The following MALSU1 variants were observed in gnomAD, a reference collection of about 807,000 sequenced individuals.
MALSU1 encodes mitochondrial assembly of ribosomal large subunit protein 1.
A neutral mutation model predicts 22.1 loss-of-function variants in MALSU1; 22 were observed. The observed-to-expected ratio is 1.00, with a 90% CI of 0.71 to 1.42. The LOEUF (loss-of-function observed/expected upper bound fraction) is 1.42, where lower values mean the gene tolerates loss of function less well. MALSU1 is among the 40% of genes most tolerant of loss of function. The pLI, the probability that MALSU1 is intolerant of heterozygous loss-of-function variation, is 0.00. For synonymous variants in MALSU1, 153 were observed against 118.5 expected, an observed-to-expected ratio of 1.29 and a Z score of -1.89; for missense variants, 379 against 308.3, an observed-to-expected ratio of 1.23 and a Z score of -1.72.
At position 23,309,439 on chromosome 7, in the gene MALSU1, G is replaced by T. The variant is rs373009457; in HGVS notation, c.601G>T (p.Asp201Tyr). Residue 201 changes from aspartate (D) to tyrosine (Y), a missense_variant, in exon 4 of 4, where the codon GAC (aspartate) becomes TAC (tyrosine). Asp to Tyr is a radical substitution (Grantham distance 160, BLOSUM62 -3). Coordinates refer to ENST00000466681, the MANE Select transcript of MALSU1 (RefSeq NM_138446.2). ...ATTATGGACCCTACGTTCTTATGAT[G>T]ACCAGTTAGCTCAGATAGCACCTGA... is the stretch of plus-strand genomic sequence containing the variant. ...EKLWTLRSYDDQLAQIAPETV... is the reference protein window; with the variant it reads ...EKLWTLRSYDYQLAQIAPETV... The T allele has an allele frequency of 3.7e-6, 6 of 1,613,494 alleles. No homozygotes were observed. In the African/African-American group the frequency reaches 6.7e-5, roughly 18 times the overall value.
chr7:23,311,498 C>G lies in MALSU1; in HGVS notation c.*1955C>G, dbSNP rs1174742275. 1.3e-5 allele frequency: 2 copies of G among 152,366 alleles called. No homozygotes were observed. The highest frequency in any genetic ancestry group is 2.9e-5 in the Non-Finnish European group (2 of 68,024). The allele number at this position is 152,366 out of a possible 1,614,324, so 9.4% of individuals were successfully genotyped here. ...TTGTTAGTACCGTCAAAAACTTTCC[C>G]AACTATAAATGAAAGAATAAATGGT... On this transcript the variant is annotated 3_prime_UTR_variant, in exon 4 of 4. Transcript: ENST00000466681.
chr7:23,306,729 T>C (rs1423586058), intron 2 of MALSU1, among the ~76,000 whole-genome samples: 1 of 152,256 alleles, frequency 6.6e-6, no homozygotes, highest in Non-Finnish European at 1.5e-5. Context: ...TGTGGTGTTA[T>C]TGCATTGATC....
chr7:23,310,600 A>G lies in MALSU1; in HGVS notation c.*1057A>G, dbSNP rs1783799923. The G allele has an allele frequency of 6.6e-6, 1 of 152,244 alleles. No homozygotes were observed. Among genetic ancestry groups the G allele is most frequent in the African/African-American group, 2.4e-5 (1 of 41,468 alleles). The allele number at this position is 152,244 out of a possible 1,614,324, so 9.4% of individuals were successfully genotyped here. A position where few individuals can be genotyped will look rare whatever the true frequency, so the allele number is the denominator to read the frequency against. The stretch of plus-strand genomic sequence containing the variant: ...TAGCAATTTTAATTCATTGTATGAA[A>G]AAAAAATCATGAATGCTAGGAGAAT... On this transcript the variant is annotated 3_prime_UTR_variant, in exon 4 of 4. Coordinates refer to ENST00000466681, the MANE Select transcript of MALSU1 (RefSeq NM_138446.2).
intron 3 of MALSU1, among the ~76,000 whole-genome samples, chr7:23,308,355 A>T (rs1783751479): frequency 6.6e-6 from 1 of 152,342 alleles, no homozygotes; most frequent in Middle Eastern, 3.4e-3. Context: ...AAAAAGGACA[A>T]GAGCAGAAGA....
chr7:23,300,534 A>G (rs1375634465), intron 1 of MALSU1, among the ~76,000 whole-genome samples: 1 of 152,112 alleles, frequency 6.6e-6, no homozygotes, highest in Admixed American at 6.6e-5. Flanking sequence ...ATTGTGGTGT[A>G]TTGCTCCTTT....
chr7:23,307,854 C>G lies in MALSU1; in HGVS notation c.436-14C>G, dbSNP rs1193631421. 2 of 1,602,102 alleles carry G rather than the reference C, an allele frequency of 1.2e-6. No individual in the cohort carries two copies. The highest frequency in any genetic ancestry group is 1.7e-6 in the Non-Finnish European group (2 of 1,170,270). The stretch of plus-strand genomic sequence containing the variant: ...ATCCCCTCTCCCTTTAATAAACCAC[C>G]TGGCTTTTTGCAGTACAAACACCTG... On this transcript the variant is annotated splice_polypyrimidine_tract_variant and intron_variant, in intron 2 of 3. Coordinates refer to ENST00000466681, the MANE Select transcript of MALSU1 (RefSeq NM_138446.2).
rs1276710253 is a variant in MALSU1 at position 23,307,102 on chromosome 7, C to T, written c.436-766C>T. ...ATGATTCAGTCAGTAGATTGTGTTT[C>T]TAGAAATTTTGCTATTTCGTCTAGG... is the stretch of plus-strand genomic sequence containing the variant. On this transcript the variant is annotated intron_variant, in intron 2 of 3. Coordinates refer to ENST00000466681, the MANE Select transcript of MALSU1 (RefSeq NM_138446.2). Among the ~76,000 whole-genome samples, 2 of 152,268 alleles carry T rather than the reference C, an allele frequency of 1.3e-5. 1 individual carries two copies. Among genetic ancestry groups the T allele is most frequent in the South Asian group, 4.2e-4 (2 of 4,818 alleles).
At chr7:23,309,288 G>A in intron 3 of MALSU1, 68 bp from the exon 4 acceptor site, 1 of 1,365,924 alleles carries the variant, frequency 7.3e-7, no homozygotes, top group Non-Finnish European at 1.0e-6. Context: ...TAGCCAGTGT[G>A]TGTTGTAAGG....
At chr7:23,303,457 C>G (rs1290105626) in intron 2 of MALSU1, among the ~76,000 whole-genome samples, 1 of 152,068 alleles carries the variant, frequency 6.6e-6, no homozygotes, top group African/African-American at 2.4e-5. Flanking sequence ...TTGCTTCCAC[C>G]TTTTGGCTAT....
At position 23,311,523 on chromosome 7, in the gene MALSU1, T is replaced by C. The variant is rs1783829015; in HGVS notation, c.*1980T>C. 1 of 152,356 alleles carries C rather than the reference T, an allele frequency of 6.6e-6. No individual in the cohort carries two copies. Among genetic ancestry groups the C allele is most frequent in the Non-Finnish European group, 1.5e-5 (1 of 68,030 alleles). 9.4% of individuals were successfully genotyped at this position (152,356 alleles called of 1,614,324 possible). Reference sequence around the variant, plus strand: ...CAACTATAAATGAAAGAATAAATGGTAGTGCTGCTCTCCAGATACTAGGCA... The same window carrying C: ...CAACTATAAATGAAAGAATAAATGGCAGTGCTGCTCTCCAGATACTAGGCA... On this transcript the variant is annotated 3_prime_UTR_variant, in exon 4 of 4. Coordinates refer to ENST00000466681, the MANE Select transcript of MALSU1 (RefSeq NM_138446.2).
rs1562661108 is a variant in MALSU1 at position 23,311,390 on chromosome 7, GCATT to G, written c.*1850_*1853del. On this transcript the variant is annotated 3_prime_UTR_variant, in exon 4 of 4. Transcript: ENST00000466681. ...GTCAGAAGCACAAAGCATTTATTAT[GCATT>G]CAATCATGTAGCTAAACAAAAAACT... 1 of 152,578 alleles carries G rather than the reference GCATT, an allele frequency of 6.6e-6. No homozygotes were observed. The highest frequency in any genetic ancestry group is 2.4e-5 in the African/African-American group (1 of 41,438). 9.5% of individuals were successfully genotyped at this position (152,578 alleles called of 1,614,324 possible). A position where few individuals can be genotyped will look rare whatever the true frequency, so the allele number is the denominator to read the frequency against.
chr7:23,308,729 C>T (rs1181359389), intron 3 of MALSU1, among the ~76,000 whole-genome samples: 1 of 152,166 alleles, frequency 6.6e-6, no homozygotes, highest in East Asian at 1.9e-4. Flanking sequence ...TTTTTTATAA[C>T]TGGCAGGAAG....
chr7:23,300,047 A>G (rs1783620617), intron 1 of MALSU1, among the ~76,000 whole-genome samples: 1 of 152,112 alleles, frequency 6.6e-6, no homozygotes, highest in Non-Finnish European at 1.5e-5. Context: ...TTAGAAACTT[A>G]AGAATGGTAA....
intron 2 of MALSU1, among the ~76,000 whole-genome samples, chr7:23,304,182 A>G (rs1019986831): frequency 2.6e-5 from 4 of 152,100 alleles, no homozygotes; most frequent in Admixed American, 1.3e-4. Context: ...TTGCTGGATC[A>G]TATAGTGATT....
chr7:23,302,095 C>T (rs1235311156), intron 2 of MALSU1, among the ~76,000 whole-genome samples: 1 of 152,154 alleles, frequency 6.6e-6, no homozygotes, highest in Non-Finnish European at 1.5e-5. Context: ...CATTGTAAAA[C>T]GTTCTATTGG....
chr7:23,303,586 C>G (rs1163809189), intron 2 of MALSU1, among the ~76,000 whole-genome samples: 2 of 151,920 alleles, frequency 1.3e-5, no homozygotes, highest in African/African-American at 4.8e-5. Flanking sequence ...TGCTTGAGCT[C>G]AGAAGTTTGA....
intron 2 of MALSU1, among the ~76,000 whole-genome samples, chr7:23,303,806 C>T (rs193168832): frequency 6.9e-4 from 70 of 100,872 alleles, no homozygotes; most frequent in African/African-American, 2.4e-3. Flanking sequence ...AAGACGCTGT[C>T]TCAAAAGAAA....
At chr7:23,301,265 T>C in intron 2 of MALSU1, 1 of 325,306 alleles carries the variant, frequency 3.1e-6, no homozygotes, top group Non-Finnish European at 5.6e-6. Context: ...AGATTTTTTT[T>C]TTTTTTCTAA....
intron 2 of MALSU1, among the ~76,000 whole-genome samples, chr7:23,302,717 A>C (rs1266404967): frequency 2.0e-5 from 3 of 152,252 alleles, no homozygotes; most frequent in Non-Finnish European, 4.4e-5. Context: ...AGATGAGAGA[A>C]ATGCAAAGGC....
Sources: allele counts gnomAD v4.1 joint callset (sites outside exome capture counted in the v4.1 genomes callset), GRCh38; gene constraint gnomAD v4.1.1; transcripts MANE v1.5; gene names NCBI Gene and HGNC (gene_info 2026-07-23, HGNC 2026-07-21).